The following TEX11 variants were observed in gnomAD, a reference collection of about 807,000 sequenced individuals.
TEX11 encodes the protein testis expressed 11, also known as testis-expressed protein 11.
A neutral mutation model predicts 84.4 loss-of-function variants in TEX11; 7 were observed. The ratio of observed to expected loss-of-function variants is 0.08; its 90% confidence interval spans 0.05 to 0.16. The LOEUF (loss-of-function observed/expected upper bound fraction) is 0.16, where lower values mean the gene tolerates loss of function less well. TEX11 is among the 10% of genes least tolerant of loss of function. The probability of loss-of-function intolerance (pLI) is 1.00; values close to 1 mark genes in which losing one functional copy is unlikely to be tolerated. For missense variants in TEX11, 551 were observed against 660.5 expected (o/e 0.83, Z 1.82); for synonymous variants, 264 against 222.8 (o/e 1.18, Z -1.64).
chrX:70,658,843 C>T (rs1415317829), intron 16 of TEX11, among the ~76,000 whole-genome samples: 3 of 111,114 alleles, frequency 2.7e-5, no homozygotes, highest in Admixed American at 9.6e-5. Flanking sequence ...CAGTATAGTA[C>T]TGAGATAAGG....
At chrX:70,631,777 C>A (rs753221012) in intron 17 of TEX11, among the ~76,000 whole-genome samples, 1 of 69,621 alleles carries the variant, frequency 1.4e-5, no homozygotes, top group East Asian at 4.3e-4. Flanking sequence ...GAAATATAGA[C>A]CATCATGTCA....
At chrX:70,817,545 G>T (rs978860034) in intron 8 of TEX11, among the ~76,000 whole-genome samples, 1 of 111,129 alleles carries the variant, frequency 9.0e-6, no homozygotes, top group Non-Finnish European at 1.9e-5. Context: ...TTAGCCGGGC[G>T]TGGTGGGACA....
chrX:70,635,229 C>A (rs2089557392), intron 17 of TEX11, among the ~76,000 whole-genome samples: 1 of 112,178 alleles, frequency 8.9e-6, no homozygotes, highest in South Asian at 3.7e-4. Context: ...CCCCCAACCC[C>A]AGGCCATAGA....
chrX:70,601,599 G>T (rs1296312894), intron 24 of TEX11, among the ~76,000 whole-genome samples: 2 of 89,599 alleles, frequency 2.2e-5, no homozygotes, highest in Non-Finnish European at 4.3e-5. Context: ...GATTTGGCAG[G>T]GTCATAGGAC....
At chrX:70,775,569 G>T (rs1419389928) in intron 9 of TEX11, among the ~76,000 whole-genome samples, 1 of 109,120 alleles carries the variant, frequency 9.2e-6, no homozygotes, top group African/African-American at 3.3e-5. Flanking sequence ...GGCTGGGTGC[G>T]GTGGCTCACT....
In TEX11 at chrX:70,804,604, A is replaced by G. The variant is rs146840026; in HGVS notation, c.692+2101T>C. Among the ~76,000 whole-genome samples the G allele has an allele frequency of 5.9e-3, 664 of 111,899 alleles. 3 individuals are homozygous for G. Among genetic ancestry groups the G allele is most frequent in the Middle Eastern group, 0.023 (5 of 218 alleles). On this transcript the variant is annotated intron_variant, in intron 9 of 29. Transcript: ENST00000374333. ...TATTATTCTAGTGATGTGAACACAA[A>G]AGACTCATACTGGTGCTATATAAAT...
chrX:70,534,671 T>C (rs1200503316), intron 28 of TEX11, among the ~76,000 whole-genome samples: 1 of 111,666 alleles, frequency 9.0e-6, no homozygotes, highest in Non-Finnish European at 1.9e-5. Context: ...GCCACGTAGA[T>C]CTCTAACTGA....
chrX:70,633,177 A>G (rs2089530704), intron 17 of TEX11, among the ~76,000 whole-genome samples: 1 of 112,427 alleles, frequency 8.9e-6, no homozygotes, highest in Non-Finnish European at 1.9e-5. Flanking sequence ...ACAAACCATT[A>G]GCAAATCAAA....
intron 24 of TEX11, among the ~76,000 whole-genome samples, chrX:70,602,503 C>A (rs1470171662): frequency 2.2e-4 from 23 of 104,470 alleles, no homozygotes; most frequent in African/African-American, 2.1e-4. Flanking sequence ...ATTCAACAAC[C>A]CTTCATGCTA....
At chrX:70,604,466 C>G (rs1249401400) in intron 24 of TEX11, among the ~76,000 whole-genome samples, 1 of 111,015 alleles carries the variant, frequency 9.0e-6, no homozygotes, top group African/African-American at 3.3e-5. Context: ...GCTTCTTTAT[C>G]TCTGTATCCC....
At chrX:70,782,176 A>G (rs996362227) in intron 9 of TEX11, among the ~76,000 whole-genome samples, 1 of 112,075 alleles carries the variant, frequency 8.9e-6, no homozygotes, top group Admixed American at 9.5e-5. Flanking sequence ...ACATTCTTAA[A>G]GAAAAGAATT....
chrX:70,792,287 CAAAAAAAAAAAA>C (rs1167182936), intron 9 of TEX11, among the ~76,000 whole-genome samples: 25 of 1,814 alleles, frequency 0.014, no homozygotes, highest in African/African-American at 0.02. Context: ...GGCTCTGTCT[CAAAAAAAAAAAA>C]AAAAAAAAAA....
chrX:70,633,804 G>T (rs1463078308), intron 17 of TEX11, among the ~76,000 whole-genome samples: 1 of 111,307 alleles, frequency 9.0e-6, no homozygotes, highest in East Asian at 2.8e-4. Flanking sequence ...TGTAATCCCA[G>T]TTTCTTGGGA....
At chrX:70,723,574 A>G (rs1189464376) in intron 12 of TEX11, among the ~76,000 whole-genome samples, 1 of 111,817 alleles carries the variant, frequency 8.9e-6, no homozygotes, top group Non-Finnish European at 1.9e-5. Context: ...TTTATTTGAC[A>G]AATATTTAAT....
intron 8 of TEX11, among the ~76,000 whole-genome samples, chrX:70,811,511 C>A (rs1443657782): frequency 9.0e-6 from 1 of 111,691 alleles, no homozygotes; most frequent in Non-Finnish European, 1.9e-5. Flanking sequence ...TTTATAGCAG[C>A]ATGATTTATA....
intron 9 of TEX11, among the ~76,000 whole-genome samples, chrX:70,774,055 G>A (rs2090987021): frequency 9.1e-6 from 1 of 110,114 alleles, no homozygotes; most frequent in South Asian, 4.0e-4. Flanking sequence ...CCACACAACA[G>A]CACTGTTCCA....
At chrX:70,801,959 G>T (rs1294532442) in intron 9 of TEX11, among the ~76,000 whole-genome samples, 1 of 111,058 alleles carries the variant, frequency 9.0e-6, no homozygotes, top group African/African-American at 3.3e-5. Context: ...AAGAATCCAG[G>T]CAATGATCAC....
intron 8 of TEX11, among the ~76,000 whole-genome samples, chrX:70,825,298 G>A (rs1304933685): frequency 9.3e-6 from 1 of 107,161 alleles, no homozygotes; most frequent in East Asian, 2.9e-4. Context: ...GGCCACAGAG[G>A]GAGACTCAGT....
intron 13 of TEX11, among the ~76,000 whole-genome samples, chrX:70,694,942 C>T (rs1403814778): frequency 9.0e-6 from 1 of 111,406 alleles, no homozygotes; most frequent in Non-Finnish European, 1.9e-5. Flanking sequence ...CCTCTTGAAA[C>T]GAGAACTCAC....
Sources: gnomAD v4.1 joint callset for allele counts (sites outside exome capture counted in the v4.1 genomes callset) on GRCh38, gnomAD v4.1.1 for gene constraint, MANE v1.5 for transcripts, NCBI Gene and HGNC (gene_info 2026-07-23, HGNC 2026-07-21) for gene names.